FIBCD1: variants seen among roughly 807,000 people sequenced by gnomAD.
FIBCD1 encodes the protein fibrinogen C domain-containing protein 1.
Under a neutral mutation model 45.1 loss-of-function variants are expected in FIBCD1, and 47 were observed. The observed-to-expected ratio is 1.04, with a 90% CI of 0.82 to 1.33. The LOEUF (loss-of-function observed/expected upper bound fraction) is 1.33. FIBCD1 is among the 40% of genes most tolerant of loss of function. The pLI is 0.00. For synonymous variants in FIBCD1, 313 were observed against 308.1 expected (o/e 1.02, Z -0.17); for missense variants, 653 against 682.2 (o/e 0.96, Z 0.48).
Position 130,938,527 on chromosome 9 carries a change from C to T in FIBCD1, c.72+9G>A. On this transcript the variant is annotated intron_variant, in intron 1 of 6. Coordinates refer to ENST00000372338, the MANE Select transcript of FIBCD1 (RefSeq NM_032843.5). ...CGCCCAGGCCCCGTGTCCCAGCGCC[C>T]GAGCGTACCTGCGGCTTGTCGCGCG... 1 of 1,487,292 alleles carries T rather than the reference C, an allele frequency of 6.7e-7. No homozygotes were observed. The highest frequency in any genetic ancestry group is 8.9e-7 in the Non-Finnish European group (1 of 1,124,520). The allele number at this position is 1,487,292 out of a possible 1,614,324, so 92.1% of individuals were successfully genotyped here.
intron 4 of FIBCD1, among the ~76,000 whole-genome samples, chr9:130,915,217 C>T (rs1404545935): frequency 6.6e-6 from 1 of 152,230 alleles, no homozygotes; most frequent in African/African-American, 2.4e-5. Flanking sequence ...TCAGCCCCCT[C>T]TTTCCCACTG....
At position 130,903,953 on chromosome 9, in the gene FIBCD1, G is replaced by T; in HGVS notation, c.*111C>A. The T allele has an allele frequency of 7.0e-7, 1 of 1,438,272 alleles. No homozygotes were observed. Among genetic ancestry groups the T allele is most frequent in the Non-Finnish European group, 9.6e-7 (1 of 1,045,036 alleles). 89.1% of individuals were successfully genotyped at this position (1,438,272 alleles called of 1,614,324 possible). A position where few individuals can be genotyped will look rare whatever the true frequency, so the allele number is the denominator to read the frequency against. On this transcript the variant is annotated 3_prime_UTR_variant, in exon 7 of 7. Coordinates refer to ENST00000372338, the MANE Select transcript of FIBCD1 (RefSeq NM_032843.5). The stretch of plus-strand genomic sequence containing the variant: ...AGGGATGGCCCGGCCCCTCCCTACT[G>T]GAGAGTGGGTCCGCCAGGCACAGGT...
chr9:130,911,720 C>T (rs928964313), intron 5 of FIBCD1, 72 bp downstream of exon 5: 4 of 1,401,184 alleles, frequency 2.9e-6, no homozygotes, highest in Non-Finnish European at 4.0e-6. Flanking sequence ...CAGGGAGCAG[C>T]TGGGACCCAA....
In FIBCD1 at chr9:130,911,814, C is replaced by A. The variant is rs866063692; in HGVS notation, c.924G>T (p.Arg308Ser). Residue 308 changes from arginine to serine, a missense_variant, in exon 5 of 7, where the codon AGG becomes AGT. Transcript: ENST00000372338. ...GWDAYRDGFG[R>S]LTGEHWLGLK... ...CACCTAGCCAGTGCTCCCCGGTGAG[C>A]CTGCCAAAGCCGTCTCGGTACGCAT... is the stretch of plus-strand genomic sequence containing the variant. 1.2e-6 allele frequency: 2 copies of A among 1,603,634 alleles called. No homozygotes were observed. Among genetic ancestry groups the A allele is most frequent in the Non-Finnish European group, 1.7e-6 (2 of 1,175,944 alleles).
chr9:130,925,112 C>G (rs1382183637), intron 2 of FIBCD1, among the ~76,000 whole-genome samples: 1 of 152,144 alleles, frequency 6.6e-6, no homozygotes, highest in African/African-American at 2.4e-5. Flanking sequence ...ACCAACAAGG[C>G]TCCCCCGTCC....
At chr9:130,938,384 G>A in intron 1 of FIBCD1, 152 bp downstream of exon 1, 1 of 569,386 alleles carries the variant, frequency 1.8e-6, no homozygotes, top group Non-Finnish European at 2.8e-6. Context: ...CGGGGAGGAG[G>A]AGAGGAGGGT....
At chr9:130,935,986 T>TC (rs937377460) in intron 1 of FIBCD1, among the ~76,000 whole-genome samples, 3 of 152,188 alleles carry the variant, frequency 2.0e-5, no homozygotes, top group Admixed American at 1.3e-4. Flanking sequence ...AGATGGCGTT[T>TC]CCTGGGGGGC....
chr9:130,928,283 T>C (rs1170315406), intron 2 of FIBCD1, among the ~76,000 whole-genome samples: 2 of 152,222 alleles, frequency 1.3e-5, no homozygotes, highest in African/African-American at 4.8e-5. Context: ...AGGGCAGGAC[T>C]CTGGGGTCCC....
rs573789962 is a variant in FIBCD1 at position 130,903,616 on chromosome 9, C to G, written c.*448G>C. 7.6e-5 allele frequency: 21 copies of G among 278,018 alleles called. No individual in the cohort carries two copies. The highest frequency in any genetic ancestry group is 1.4e-4 in the Non-Finnish European group (20 of 141,448). 17.2% of individuals were successfully genotyped at this position (278,018 alleles called of 1,614,324 possible). A position where few individuals can be genotyped will look rare whatever the true frequency, so the allele number is the denominator to read the frequency against. ...TGGAGGATACTGGCCTCAGACCTGA[C>G]CTCAGAGAGACCTGACGTTCCCCAC... On this transcript the variant is annotated 3_prime_UTR_variant, in exon 7 of 7. Coordinates refer to ENST00000372338, the MANE Select transcript of FIBCD1 (RefSeq NM_032843.5).
chr9:130,903,763 A>G lies in FIBCD1; in HGVS notation c.*301T>C. 2.0e-6 allele frequency: 1 copy of G among 505,620 alleles called. No individual in the cohort carries two copies. Among genetic ancestry groups the G allele is most frequent in the South Asian group, 2.0e-5 (1 of 49,156 alleles). 31.3% of individuals were successfully genotyped at this position (505,620 alleles called of 1,614,324 possible). ...CAGACTCCACCATCCTGGCCAGGGG[A>G]CGGCAAACAGCACCGGAGTCACAGT... On this transcript the variant is annotated 3_prime_UTR_variant, in exon 7 of 7. Coordinates refer to ENST00000372338, the MANE Select transcript of FIBCD1 (RefSeq NM_032843.5).
rs747415094 is a variant in FIBCD1 at position 130,930,766 on chromosome 9, G to T, written c.73-720C>A. The T allele has an allele frequency of 1.4e-4, 64 of 455,910 alleles. 1 individual carries two copies. The highest frequency in any genetic ancestry group is 9.9e-4 in the South Asian group (64 of 64,728). 28.2% of individuals were successfully genotyped at this position (455,910 alleles called of 1,614,324 possible). ...CCCACAGTGTGACCTTGGGCCAGGG[G>T]CCTCACCTCTCTGAGCCTCAGTTTC... On this transcript the variant is annotated intron_variant, in intron 1 of 6. Transcript: ENST00000372338.
chr9:130,932,154 A>G (rs1832453948), intron 1 of FIBCD1, among the ~76,000 whole-genome samples: 1 of 152,260 alleles, frequency 6.6e-6, no homozygotes, highest in Non-Finnish European at 1.5e-5. Flanking sequence ...GATACATTGA[A>G]CAGAGACAGA....
intron 4 of FIBCD1, among the ~76,000 whole-genome samples, chr9:130,913,310 G>A (rs1415767474): frequency 3.3e-5 from 5 of 149,830 alleles, no homozygotes; most frequent in Admixed American, 6.6e-5. Flanking sequence ...CGGCCCGGCC[G>A]GCCTCCATCT....
Position 130,938,699 on chromosome 9 carries a change from G to T in FIBCD1, c.-92C>A. On this transcript the variant is annotated 5_prime_UTR_variant, in exon 1 of 7. Coordinates refer to ENST00000372338, the MANE Select transcript of FIBCD1 (RefSeq NM_032843.5). ...GGGCGCGGGCGCGGGCGCGGGGCGC[G>T]CTCTGTCCGCCGGGTCCCCGCCTCT... 1 of 814,414 alleles carries T rather than the reference G, an allele frequency of 1.2e-6. No individual in the cohort carries two copies. The highest frequency in any genetic ancestry group is 1.6e-6 in the Non-Finnish European group (1 of 634,960). The allele number at this position is 814,414 out of a possible 1,614,324, so 50.4% of individuals were successfully genotyped here.
chr9:130,917,061 G>A (rs1414435531), intron 4 of FIBCD1, among the ~76,000 whole-genome samples: 3 of 152,200 alleles, frequency 2.0e-5, no homozygotes, highest in Non-Finnish European at 2.9e-5. Flanking sequence ...TCACACCACT[G>A]CACTCCAGCC....
chr9:130,911,663 G>A (rs1472790177), intron 5 of FIBCD1, 129 bp downstream of exon 5: 2 of 722,670 alleles, frequency 2.8e-6, no homozygotes, highest in Non-Finnish European at 4.7e-6. Flanking sequence ...ACACCTGTGA[G>A]CTGGCTCAGG....
At chr9:130,932,351 C>A (rs548476219) in intron 1 of FIBCD1, among the ~76,000 whole-genome samples, 1 of 152,242 alleles carries the variant, frequency 6.6e-6, no homozygotes, top group African/African-American at 2.4e-5. Context: ...TGTCAGGATG[C>A]GGAAGAGAGT....
At chr9:130,932,576 T>TA (rs1832459003) in intron 1 of FIBCD1, among the ~76,000 whole-genome samples, 1 of 152,206 alleles carries the variant, frequency 6.6e-6, no homozygotes, top group African/African-American at 2.4e-5. Context: ...TCCACTGGCC[T>TA]AATGTATTCT....
rs1192030739 is a variant in FIBCD1 at position 130,922,716 on chromosome 9, A to T, written c.849+1028T>A. Among the ~76,000 whole-genome samples the T allele has an allele frequency of 2.7e-5, 4 of 150,086 alleles. No homozygotes were observed. Among genetic ancestry groups the T allele is most frequent in the African/African-American group, 9.9e-5 (4 of 40,592 alleles). ...CCCATCCCGTCTTCCTCTCTTCAAC[A>T]CCCCCAGTAGCTCCCGACTGTGTGT... On this transcript the variant is annotated intron_variant, in intron 4 of 6. Coordinates refer to ENST00000372338, the MANE Select transcript of FIBCD1 (RefSeq NM_032843.5). The surrounding 1 kb of genome is among the most constrained non-coding windows in gnomAD (Gnocchi z 4.5).
Sources: gnomAD v4.1 joint callset for allele counts (sites outside exome capture counted in the v4.1 genomes callset) on GRCh38, gnomAD v4.1.1 for gene constraint, Gnocchi (gnomAD v3.1) non-coding constraint, MANE v1.5 for transcripts, NCBI Gene and HGNC (gene_info 2026-07-23, HGNC 2026-07-21) for gene names.